Variants in PIAS2 observed in about 807,000 individuals in gnomAD.
PIAS2 encodes E3 SUMO-protein ligase PIAS2.
Under a neutral mutation model 69.7 loss-of-function variants are expected in PIAS2, and 19 were observed. The ratio of observed to expected loss-of-function variants is 0.27; its 90% CI spans 0.19 to 0.40. The LOEUF is 0.40. Ranked by LOEUF, PIAS2 falls within the 10% of genes least tolerant of loss-of-function variation. PIAS2 has a pLI of 1.00. For missense variants in PIAS2, 624 were observed against 757.0 expected (o/e 0.82, Z 2.06); for synonymous variants, 261 against 263.2 (o/e 0.99, Z 0.08).
At chr18:46,903,796 A>G (rs1283496131) in intron 1 of PIAS2, among the ~76,000 whole-genome samples, 1 of 152,240 alleles carries the variant, frequency 6.6e-6, no homozygotes, top group Non-Finnish European at 1.5e-5. Context: ...CATAATTATC[A>G]AAAAACTGTA....
intron 2 of PIAS2, among the ~76,000 whole-genome samples, chr18:46,868,726 G>T (rs1225869800): frequency 6.6e-6 from 1 of 152,176 alleles, no homozygotes; most frequent in Non-Finnish European, 1.5e-5. Flanking sequence ...CCTTCATTTG[G>T]CATTTGGGTG....
intron 2 of PIAS2, among the ~76,000 whole-genome samples, chr18:46,867,335 T>C (rs1222055329): frequency 6.6e-6 from 1 of 152,200 alleles, no homozygotes; most frequent in Non-Finnish European, 1.5e-5. Context: ...ATTGTGCATA[T>C]GCTAATAAAA....
At chr18:46,887,995 G>A (rs928211601) in intron 2 of PIAS2, among the ~76,000 whole-genome samples, 4 of 151,998 alleles carry the variant, frequency 2.6e-5, no homozygotes, top group Non-Finnish European at 4.4e-5. Flanking sequence ...AAACCTGTTA[G>A]AATAAATGAA....
intron 1 of PIAS2, among the ~76,000 whole-genome samples, chr18:46,898,922 G>A (rs1890282940): frequency 6.6e-6 from 1 of 151,710 alleles, no homozygotes; most frequent in African/African-American, 2.4e-5. Flanking sequence ...TTGAATCTGG[G>A]AGGCGGAGGT....
chr18:46,837,393 T>C (rs963878165), intron 8 of PIAS2, among the ~76,000 whole-genome samples: 4 of 152,214 alleles, frequency 2.6e-5, no homozygotes, highest in Non-Finnish European at 5.9e-5. Flanking sequence ...AAGAGTCACT[T>C]GTGTTTCTAA....
At chr18:46,855,313 T>A (rs367814205) in intron 5 of PIAS2, 32 bp downstream of exon 5, 1 of 1,367,178 alleles carries the variant, frequency 7.3e-7, no homozygotes, top group African/African-American at 1.4e-5. Flanking sequence ...ATTAAACTTA[T>A]ATGCAAATCT....
chr18:46,818,061 G>A (rs1244619845), intron 12 of PIAS2: 4 of 997,034 alleles, frequency 4.0e-6, no homozygotes, highest in Non-Finnish European at 4.8e-6. Flanking sequence ...AGCAGGTAGT[G>A]TTAACATTAT....
At chr18:46,826,941 GATTGCCT>G (rs768623248) in intron 11 of PIAS2, 1 of 152,068 alleles carries the variant, frequency 6.6e-6, no homozygotes, top group Admixed American at 6.6e-5. Flanking sequence ...ACAAAAAAAC[GATTGCCT>G]AGATTTGGGG....
intron 1 of PIAS2, among the ~76,000 whole-genome samples, chr18:46,915,818 C>G (rs1383902012): frequency 6.7e-6 from 1 of 150,244 alleles, no homozygotes; most frequent in Non-Finnish European, 1.5e-5. Context: ...ACTTAGAAAA[C>G]TTGTATACAT....
In PIAS2 at chr18:46,805,621, T is replaced by C. The variant is rs939283554; in HGVS notation, c.*6812A>G. 8 of 152,288 alleles carry C rather than the reference T, an allele frequency of 5.3e-5. No homozygotes were observed. In the East Asian group the frequency reaches 1.2e-3, roughly 22 times the overall value. 9.4% of individuals were successfully genotyped at this position (152,288 alleles called of 1,614,324 possible). ...CCACGCTGGTGTGAGCTGTAGGGTA[T>C]GGCAGGGCCTCAGGTGGCAGCCAAA... is the stretch of plus-strand genomic sequence containing the variant. On this transcript the variant is annotated 3_prime_UTR_variant, in exon 14 of 14. Transcript: ENST00000585916.
chr18:46,915,646 T>C (rs527886145), intron 1 of PIAS2: 1 of 152,314 alleles, frequency 6.6e-6, no homozygotes, highest in African/African-American at 2.4e-5. Context: ...TTTCTATCAC[T>C]TTCCAGTTGC....
At chr18:46,866,640 A>C (rs1232500209) in intron 2 of PIAS2, among the ~76,000 whole-genome samples, 1 of 152,226 alleles carries the variant, frequency 6.6e-6, no homozygotes, top group Non-Finnish European at 1.5e-5. Flanking sequence ...ATTTCCTTCA[A>C]AAGACTGTTG....
chr18:46,874,624 C>T (rs896739143), intron 2 of PIAS2, among the ~76,000 whole-genome samples: 4 of 152,266 alleles, frequency 2.6e-5, no homozygotes, highest in South Asian at 2.1e-4. Flanking sequence ...AACTACCCCT[C>T]GGAAAGATAT....
At chr18:46,843,965 A>G (rs1042326146) in intron 8 of PIAS2, 89 bp downstream of exon 8, 1 of 719,288 alleles carries the variant, frequency 1.4e-6, no homozygotes, top group South Asian at 2.1e-5. Context: ...TCTTCATAAT[A>G]TATCATTCAT....
intron 5 of PIAS2, 136 bp from the exon 6 acceptor site, chr18:46,846,977 T>C (rs1048237487): frequency 1.8e-5 from 12 of 666,426 alleles, no homozygotes; most frequent in Admixed American, 4.2e-5. Context: ...ATAGCCCTTA[T>C]GATCATTATC....
Position 46,912,471 on chromosome 18 carries a change from C to A in PIAS2, c.24+4851G>T, listed in dbSNP as rs1403947438. ...ACCTTTTTTCCTGAATATTTTTGAT[C>A]CAAGGTTGGTTGAAACCAAAGATAA... On this transcript the variant is annotated intron_variant, in intron 1 of 13. Coordinates refer to ENST00000585916, the MANE Select transcript of PIAS2 (RefSeq NM_004671.5). Among the ~76,000 whole-genome samples the A allele has an allele frequency of 2.0e-5, 3 of 151,998 alleles. 1 individual carries two copies. The highest frequency in any genetic ancestry group is 2.0e-4 in the Admixed American group (3 of 15,254).
intron 1 of PIAS2, chr18:46,915,771 TC>T (rs2057771102): frequency 6.7e-6 from 1 of 148,296 alleles, no homozygotes; most frequent in African/African-American, 2.5e-5. Context: ...CTAATAAAAA[TC>T]CTGGAAAGTT....
intron 2 of PIAS2, among the ~76,000 whole-genome samples, chr18:46,873,117 AAAGCAGGAAGCT>A (rs1487968988): frequency 6.6e-6 from 1 of 152,188 alleles, no homozygotes; most frequent in Non-Finnish European, 1.5e-5. Flanking sequence ...TTAACTAACA[AAAGCAGGAAGCT>A]AACCTTTGGG....
intron 1 of PIAS2, 70 bp from the exon 2 acceptor site, chr18:46,891,124 A>C: frequency 9.0e-7 from 1 of 1,115,766 alleles, no homozygotes; most frequent in South Asian, 1.4e-5. Flanking sequence ...CTAAAATATA[A>C]TGTAAAATGT....
Sources: gnomAD v4.1 joint callset for allele counts (sites outside exome capture counted in the v4.1 genomes callset) on GRCh38, gnomAD v4.1.1 for gene constraint, MANE v1.5 for transcripts, NCBI Gene and HGNC (gene_info 2026-07-23, HGNC 2026-07-21) for gene names.